ATAD2B: variants seen among roughly 807,000 people sequenced by gnomAD.
The protein encoded by ATAD2B is ATPase family AAA domain-containing protein 2B.
In ATAD2B, 40 loss-of-function variants were observed where a neutral mutation model predicts 167.6. The observed-to-expected ratio is 0.24, with a 90% CI of 0.19 to 0.31. The LOEUF (loss-of-function observed/expected upper bound fraction) is 0.31, where lower values mean the gene tolerates loss of function less well. Ranked by LOEUF, ATAD2B falls within the 10% of genes least tolerant of loss-of-function variation. The pLI is 1.00. For synonymous variants in ATAD2B, 579 were observed against 596.5 expected (o/e 0.97, Z 0.43); for missense variants, 1,242 against 1,757.2 (o/e 0.71, Z 5.24).
chr2:23,848,444 C>T (rs1386784072), intron 13 of ATAD2B, among the ~76,000 whole-genome samples: 1 of 152,184 alleles, frequency 6.6e-6, no homozygotes, highest in Non-Finnish European at 1.5e-5. Flanking sequence ...TGCGCCACTA[C>T]ACTCCAGCCT....
At chr2:23,735,198 A>G in the ATAD2B span, among the ~76,000 whole-genome samples, 7 of 152,212 alleles carry the variant, frequency 4.6e-5, no homozygotes, top group Non-Finnish European at 1.0e-4. Flanking sequence ...TTTACCCTTG[A>G]TTTTAATTAA....
the ATAD2B span, among the ~76,000 whole-genome samples, chr2:23,714,965 G>T: frequency 2.0e-5 from 3 of 152,028 alleles, no homozygotes; most frequent in Admixed American, 6.6e-5. Context: ...ATGTTTCATA[G>T]GAATCATCTG....
the ATAD2B span, among the ~76,000 whole-genome samples, chr2:23,679,452 G>C: frequency 6.6e-6 from 1 of 152,192 alleles, no homozygotes; most frequent in Admixed American, 6.5e-5. Flanking sequence ...AGTGAGCAAA[G>C]CTTCTTAAGG....
At chr2:23,778,319 A>G (rs1312164452) in intron 22 of ATAD2B, among the ~76,000 whole-genome samples, 2 of 152,240 alleles carry the variant, frequency 1.3e-5, no homozygotes, top group African/African-American at 4.8e-5. Context: ...TCCTTAAAAT[A>G]TTAATATCAA....
chr2:23,918,575 TCCTATATTTCATATC>T (rs1341508996), intron 1 of ATAD2B, among the ~76,000 whole-genome samples: 1 of 152,182 alleles, frequency 6.6e-6, no homozygotes, highest in Admixed American at 6.5e-5. Context: ...AAAATTATTG[TCCTATATTTCATATC>T]CCTATATGTT....
intron 12 of ATAD2B, among the ~76,000 whole-genome samples, chr2:23,860,984 A>G (rs957101021): frequency 6.6e-6 from 1 of 152,056 alleles, no homozygotes; most frequent in African/African-American, 2.4e-5. Context: ...ATAAATAAAT[A>G]AATAAATAAT....
intron 8 of ATAD2B, among the ~76,000 whole-genome samples, chr2:23,870,427 G>A (rs1695780428): frequency 6.6e-6 from 1 of 151,296 alleles, no homozygotes. Flanking sequence ...ACTGAGACTG[G>A]AGGCACCCGC....
At chr2:23,899,078 GC>G (rs1203389058) in intron 1 of ATAD2B, among the ~76,000 whole-genome samples, 4 of 152,044 alleles carry the variant, frequency 2.6e-5, no homozygotes, top group African/African-American at 9.7e-5. Flanking sequence ...AATCCGGGAG[GC>G]GGAGGTTGCA....
intron 18 of ATAD2B, among the ~76,000 whole-genome samples, chr2:23,802,510 A>T (rs530686549): frequency 1.0e-3 from 154 of 152,216 alleles, no homozygotes; most frequent in African/African-American, 3.6e-3. Flanking sequence ...TAGTAACACA[A>T]ATTAGCATTT....
At chr2:23,753,627 T>C (rs370774632) in intron 27 of ATAD2B, among the ~76,000 whole-genome samples, 1 of 152,204 alleles carries the variant, frequency 6.6e-6, no homozygotes. Flanking sequence ...AGAAAGGGAA[T>C]GTCTCATCTC....
At chr2:23,770,732 T>C (rs1228776267) in intron 22 of ATAD2B, among the ~76,000 whole-genome samples, 1 of 152,244 alleles carries the variant, frequency 6.6e-6, no homozygotes, top group East Asian at 1.9e-4. Context: ...ATACACTGTC[T>C]AGATTACTGT....
chr2:23,772,586 T>C (rs948447236), intron 22 of ATAD2B, among the ~76,000 whole-genome samples: 3 of 152,126 alleles, frequency 2.0e-5, no homozygotes, highest in African/African-American at 4.8e-5. Context: ...TTATAAAGTG[T>C]ATCTTCTATC....
At chr2:23,722,767 G>C in the ATAD2B span, among the ~76,000 whole-genome samples, 3 of 152,004 alleles carry the variant, frequency 2.0e-5, no homozygotes, top group Admixed American at 2.0e-4. Context: ...TCCTCTCCAA[G>C]ACACATTATA....
At position 23,786,229 on chromosome 2, in the gene ATAD2B, G is replaced by A. The variant is rs1419110558; in HGVS notation, c.2777-6C>T. On this transcript the variant is annotated splice_region_variant and splice_polypyrimidine_tract_variant and intron_variant, in intron 20 of 27. Transcript: ENST00000238789. ...CACTTCCATAGCACAAAGAGCTAGA[G>A]AAAACAGAAGAAAATGTTAAGATTC... The A allele has an allele frequency of 6.4e-7, 1 of 1,552,938 alleles. No homozygotes were observed. The highest frequency in any genetic ancestry group is 8.7e-7 in the Non-Finnish European group (1 of 1,148,792).
chr2:23,863,629 C>T lies in ATAD2B; in HGVS notation c.1305-74G>A, dbSNP rs944085535. 5 of 1,297,750 alleles carry T rather than the reference C, an allele frequency of 3.9e-6. No homozygotes were observed. The African/African-American group carries it at 7.5e-5, about 20-fold the overall frequency. 80.4% of individuals were successfully genotyped at this position (1,297,750 alleles called of 1,614,324 possible). On this transcript the variant is annotated intron_variant, in intron 11 of 27. Coordinates refer to ENST00000238789, the MANE Select transcript of ATAD2B (RefSeq NM_017552.4). Reference sequence around the variant, plus strand: ...CTGATAACCAATTTTAAAAAATGTCCCCCCCTTCCATATAATTTTGTATTG... The same window carrying T: ...CTGATAACCAATTTTAAAAAATGTCTCCCCCTTCCATATAATTTTGTATTG...
intron 22 of ATAD2B, among the ~76,000 whole-genome samples, chr2:23,775,445 C>T (rs956743185): frequency 1.3e-5 from 2 of 152,032 alleles, no homozygotes; most frequent in African/African-American, 4.8e-5. Flanking sequence ...ATCTCTTGCC[C>T]TCGTGATCCG....
At chr2:23,822,774 C>T (rs954783505) in intron 16 of ATAD2B, among the ~76,000 whole-genome samples, 3 of 150,912 alleles carry the variant, frequency 2.0e-5, no homozygotes, top group South Asian at 2.1e-4. Flanking sequence ...AAAAATTAGC[C>T]GGGCGTGGTG....
intron 24 of ATAD2B, among the ~76,000 whole-genome samples, chr2:23,761,195 A>T (rs575615446): frequency 1.9e-4 from 29 of 152,378 alleles, no homozygotes; most frequent in African/African-American, 6.7e-4. Flanking sequence ...GTTTCACGGC[A>T]TCATCGAGTC....
Position 23,754,161 on chromosome 2 carries a change from G to T in ATAD2B, c.4335+18C>A. Reference sequence around the variant, plus strand: ...AAATCAAGTATTTGTTTATTCTACAGATAAACTAAACACTTACCTCTACAA... The same window carrying T: ...AAATCAAGTATTTGTTTATTCTACATATAAACTAAACACTTACCTCTACAA... On this transcript the variant is annotated intron_variant, in intron 27 of 27. Transcript: ENST00000238789. 6.7e-7 allele frequency: 1 copy of T among 1,485,356 alleles called. No homozygotes were observed. Among genetic ancestry groups the T allele is most frequent in the Non-Finnish European group, 8.9e-7 (1 of 1,119,204 alleles). 92.0% of individuals were successfully genotyped at this position (1,485,356 alleles called of 1,614,324 possible).
Sources: gnomAD v4.1 joint callset for allele counts (sites outside exome capture counted in the v4.1 genomes callset) on GRCh38, gnomAD v4.1.1 for gene constraint, MANE v1.5 for transcripts, NCBI Gene and HGNC (gene_info 2026-07-23, HGNC 2026-07-21) for gene names.